Variants in PCDH9 observed in about 807,000 individuals in gnomAD.
PCDH9 encodes the protein protocadherin-9.
In PCDH9, 24 loss-of-function variants were observed where a neutral mutation model predicts 70.6. That is an observed-to-expected ratio of 0.34 (90% CI 0.25 to 0.48). PCDH9 has a LOEUF of 0.48. Ranked by LOEUF, PCDH9 falls within the 20% of genes least tolerant of loss-of-function variation. PCDH9 has a pLI of 0.99. For synonymous variants in PCDH9, 562 were observed against 558.5 expected, an observed-to-expected ratio of 1.01 and a Z score of -0.09; for missense variants, 1,281 against 1,503.6, an observed-to-expected ratio of 0.85 and a Z score of 2.45.
intron 2 of PCDH9, among the ~76,000 whole-genome samples, chr13:66,976,625 C>A (rs975821847): frequency 1.3e-5 from 2 of 152,028 alleles, no homozygotes; most frequent in Admixed American, 1.3e-4. Flanking sequence ...CCAATATGAA[C>A]AACAGAAGTC....
In PCDH9 at chr13:66,753,172, T is replaced by C. The variant is rs537830265; in HGVS notation, c.3139-121761A>G. Among the ~76,000 whole-genome samples the C allele has an allele frequency of 2.6e-5, 4 of 152,334 alleles. No individual in the cohort carries two copies. The East Asian group carries it at 7.7e-4, about 29-fold the overall frequency. On this transcript the variant is annotated intron_variant, in intron 3 of 4. Transcript: ENST00000377865. ...TTATATTATGTCAATATTTGTCATT[T>C]ACTTAGAAGTACCGTAAGTTTTTGC...
At chr13:66,594,990 CAA>C (rs59217015) in intron 4 of PCDH9, among the ~76,000 whole-genome samples, 24,318 of 128,788 alleles carry the variant, frequency 0.19, 2,116 homozygotes, top group Middle Eastern at 0.28. Context: ...AGCATTTACT[CAA>C]AAAAAAAAAA....
chr13:66,934,266 T>C (rs556647693), intron 2 of PCDH9, among the ~76,000 whole-genome samples: 1 of 152,138 alleles, frequency 6.6e-6, no homozygotes, highest in African/African-American at 2.4e-5. Context: ...GTGCGGTGAC[T>C]CCCATCTGTA....
chr13:66,319,983 A>T (rs539708745), intron 4 of PCDH9, among the ~76,000 whole-genome samples: 51 of 152,240 alleles, frequency 3.3e-4, no homozygotes, highest in African/African-American at 1.0e-3. Context: ...TATTACCTAT[A>T]GGTAATATGC....
chr13:67,041,082 A>G (rs2085104681), intron 2 of PCDH9, among the ~76,000 whole-genome samples: 1 of 152,154 alleles, frequency 6.6e-6, no homozygotes, highest in Admixed American at 6.5e-5. Context: ...AAGATTAGAT[A>G]TACCCTTTTT....
chr13:66,515,773 CAT>C (rs1959702912), intron 4 of PCDH9, among the ~76,000 whole-genome samples: 1 of 151,854 alleles, frequency 6.6e-6, no homozygotes, highest in Admixed American at 6.6e-5. Flanking sequence ...GAATTGTAAA[CAT>C]GTTTTGTACA....
chr13:67,170,113 A>G (rs767812685), intron 2 of PCDH9, among the ~76,000 whole-genome samples: 50 of 152,270 alleles, frequency 3.3e-4, no homozygotes, highest in Non-Finnish European at 5.0e-4. Flanking sequence ...GCTTTATATT[A>G]TTCACAGGTA....
intron 3 of PCDH9, among the ~76,000 whole-genome samples, chr13:66,776,277 A>G (rs981900926): frequency 6.6e-6 from 1 of 150,842 alleles, no homozygotes; most frequent in East Asian, 2.0e-4. Flanking sequence ...AGTTCTGGCC[A>G]GGGCAATCAG....
chr13:66,362,884 T>A (rs1004808729), intron 4 of PCDH9, among the ~76,000 whole-genome samples: 2 of 152,092 alleles, frequency 1.3e-5, no homozygotes, highest in Non-Finnish European at 2.9e-5. Context: ...CTTCCTTCAT[T>A]CATAAAGAAA....
intron 4 of PCDH9, among the ~76,000 whole-genome samples, chr13:66,335,253 A>G (rs533804984): frequency 6.6e-6 from 1 of 152,240 alleles, no homozygotes; most frequent in African/African-American, 2.4e-5. Context: ...CTGAAGTACA[A>G]CATTTCTAGA....
chr13:66,382,947 A>C (rs1956872943), intron 4 of PCDH9, among the ~76,000 whole-genome samples: 1 of 152,072 alleles, frequency 6.6e-6, no homozygotes, highest in Non-Finnish European at 1.5e-5. Flanking sequence ...CAAATCCCTT[A>C]AACTTGGGAG....
At chr13:66,699,851 A>G (rs2078613961) in intron 3 of PCDH9, among the ~76,000 whole-genome samples, 1 of 152,190 alleles carries the variant, frequency 6.6e-6, no homozygotes, top group South Asian at 2.1e-4. Context: ...CTTCTCTAAA[A>G]TAAGATATTA....
chr13:67,172,690 C>T (rs1364059293), intron 2 of PCDH9, among the ~76,000 whole-genome samples: 1 of 151,514 alleles, frequency 6.6e-6, no homozygotes, highest in Non-Finnish European at 1.5e-5. Context: ...CCAGCCTGAC[C>T]AAAAAGGGGA....
intron 3 of PCDH9, among the ~76,000 whole-genome samples, chr13:66,674,797 A>G (rs2078221222): frequency 6.6e-6 from 1 of 152,112 alleles, no homozygotes; most frequent in Non-Finnish European, 1.5e-5. Context: ...GATATTATAA[A>G]CATCACAGAA....
At chr13:66,795,150 C>T (rs537876088) in intron 3 of PCDH9, among the ~76,000 whole-genome samples, 42 of 152,180 alleles carry the variant, frequency 2.8e-4, no homozygotes, top group Non-Finnish European at 4.9e-4. Context: ...TCTTCTCTAA[C>T]ATGCTTGGGA....
At chr13:67,049,702 A>G (rs2085287553) in intron 2 of PCDH9, among the ~76,000 whole-genome samples, 1 of 152,180 alleles carries the variant, frequency 6.6e-6, no homozygotes. Flanking sequence ...CAAAGGAGAT[A>G]TTTACCTTGC....
At chr13:67,083,785 A>G (rs948121563) in intron 2 of PCDH9, among the ~76,000 whole-genome samples, 1 of 152,196 alleles carries the variant, frequency 6.6e-6, no homozygotes, top group African/African-American at 2.4e-5. Context: ...GATTCCAAAC[A>G]TAAACATGAC....
chr13:67,221,102 T>C (rs1264282546), intron 2 of PCDH9: 3 of 152,212 alleles, frequency 2.0e-5, no homozygotes, highest in Admixed American at 6.5e-5. Context: ...AAAAACAATT[T>C]GCATTTGGGG....
At chr13:67,031,269 T>C (rs1033242964) in intron 2 of PCDH9, among the ~76,000 whole-genome samples, 2 of 152,184 alleles carry the variant, frequency 1.3e-5, no homozygotes, top group African/African-American at 2.4e-5. Context: ...TTAAATTATA[T>C]ATAGTGAAGT....
Sources: gnomAD v4.1 joint callset for allele counts (sites outside exome capture counted in the v4.1 genomes callset) on GRCh38, gnomAD v4.1.1 for gene constraint, MANE v1.5 for transcripts, NCBI Gene and HGNC (gene_info 2026-07-23, HGNC 2026-07-21) for gene names.